GPC6: variants seen among roughly 807,000 people sequenced by gnomAD.
GPC6 encodes the protein glypican-6.
Under a neutral mutation model 55.2 loss-of-function variants are expected in GPC6, and 14 were observed. The ratio of observed to expected loss-of-function variants is 0.25; its 90% CI spans 0.17 to 0.40. GPC6 has a LOEUF of 0.40. GPC6 is among the 10% of genes least tolerant of loss of function. The pLI is 1.00. For missense variants in GPC6, 641 were observed against 708.5 expected (o/e 0.90, Z 1.08); for synonymous variants, 278 against 259.6 (o/e 1.07, Z -0.68).
At chr13:94,376,696 CTACTT>C (rs1879875563) in intron 6 of GPC6, among the ~76,000 whole-genome samples, 1 of 152,280 alleles carries the variant, frequency 6.6e-6, no homozygotes, top group Admixed American at 6.5e-5. Flanking sequence ...TTGGAAAAAA[CTACTT>C]TAAAGTTCAT....
At chr13:94,168,987 G>A (rs1351412632) in intron 4 of GPC6, among the ~76,000 whole-genome samples, 3 of 152,056 alleles carry the variant, frequency 2.0e-5, no homozygotes, top group African/African-American at 7.2e-5. Context: ...GTTGGACCAG[G>A]GTAAGTTCCA....
At chr13:93,228,121 C>T (rs1875872082) in intron 1 of GPC6, among the ~76,000 whole-genome samples, 1 of 152,162 alleles carries the variant, frequency 6.6e-6, no homozygotes, top group African/African-American at 2.4e-5. Flanking sequence ...CCCTCTCTCC[C>T]CTATCCGTCC....
At chr13:94,017,189 AT>A (rs1338991769) in intron 3 of GPC6, among the ~76,000 whole-genome samples, 1 of 152,096 alleles carries the variant, frequency 6.6e-6, no homozygotes, top group Non-Finnish European at 1.5e-5. Context: ...AACCCAACAC[AT>A]TTTTGTGTGG....
intron 2 of GPC6, among the ~76,000 whole-genome samples, chr13:93,732,686 GTA>G (rs1883870548): frequency 1.3e-5 from 2 of 151,982 alleles, no homozygotes; most frequent in South Asian, 4.1e-4. Flanking sequence ...GCTCTCTTTG[GTA>G]TCATTTATTA....
At chr13:94,238,682 C>T (rs1199647166) in intron 4 of GPC6, among the ~76,000 whole-genome samples, 2 of 152,046 alleles carry the variant, frequency 1.3e-5, no homozygotes, top group African/African-American at 4.8e-5. Flanking sequence ...GGAATAAGCA[C>T]CGTGTGAGAA....
intron 2 of GPC6, among the ~76,000 whole-genome samples, chr13:93,597,293 A>G (rs1276276669): frequency 2.0e-5 from 3 of 152,232 alleles, no homozygotes; most frequent in Non-Finnish European, 2.9e-5. Context: ...GAGCATCATT[A>G]TAGAGATATC....
chr13:94,075,381 C>G (rs1397462255), intron 4 of GPC6, among the ~76,000 whole-genome samples: 2 of 151,808 alleles, frequency 1.3e-5, no homozygotes, highest in Non-Finnish European at 2.9e-5. Flanking sequence ...TTATCACCCC[C>G]CAAAATTTCC....
chr13:93,888,254 C>A (rs1875460264), intron 3 of GPC6, among the ~76,000 whole-genome samples: 1 of 152,000 alleles, frequency 6.6e-6, no homozygotes, highest in African/African-American at 2.4e-5. Context: ...AGATAGTATC[C>A]AATTAGCGCA....
chr13:93,673,017 A>T (rs1037293670), intron 2 of GPC6, among the ~76,000 whole-genome samples: 2 of 152,200 alleles, frequency 1.3e-5, no homozygotes, highest in African/African-American at 4.8e-5. Context: ...TAGAAAAGAC[A>T]AAAGTATTTT....
intron 2 of GPC6, among the ~76,000 whole-genome samples, chr13:93,557,435 C>G (rs3848059): frequency 6.6e-6 from 1 of 152,016 alleles, no homozygotes; most frequent in Non-Finnish European, 1.5e-5. Context: ...TACGTAAATT[C>G]TTCCATTAAG....
chr13:94,288,864 ATATT>A (rs1566637971), intron 5 of GPC6, among the ~76,000 whole-genome samples: 1 of 125,018 alleles, frequency 8.0e-6, no homozygotes, highest in East Asian at 2.1e-4. Context: ...ATAAATATAT[ATATT>A]TGTTATATAT....
intron 5 of GPC6, among the ~76,000 whole-genome samples, chr13:94,288,738 A>AAT (rs1294842519): frequency 6.1e-4 from 81 of 132,178 alleles, no homozygotes; most frequent in East Asian, 4.0e-3. Flanking sequence ...ATATATAACA[A>AAT]ATATATATAT....
intron 1 of GPC6, among the ~76,000 whole-genome samples, chr13:93,239,049 T>C (rs1170229888): frequency 6.6e-6 from 1 of 152,038 alleles, no homozygotes; most frequent in East Asian, 1.9e-4. Flanking sequence ...CCCACAGTTT[T>C]ATTTTTTTGT....
At chr13:93,297,917 C>T (rs1008519231) in intron 1 of GPC6, among the ~76,000 whole-genome samples, 4 of 152,136 alleles carry the variant, frequency 2.6e-5, no homozygotes, top group African/African-American at 9.7e-5. Context: ...TGAGTCTTCC[C>T]AAAAGCAATC....
chr13:93,383,594 G>C (rs181658381), intron 1 of GPC6, among the ~76,000 whole-genome samples: 55 of 152,260 alleles, frequency 3.6e-4, no homozygotes, highest in African/African-American at 1.2e-3. Flanking sequence ...CTTATGTGTA[G>C]TTTAATACTG....
intron 1 of GPC6, among the ~76,000 whole-genome samples, chr13:93,495,512 C>T (rs1880227089): frequency 4.4e-5 from 6 of 136,870 alleles, no homozygotes; most frequent in Non-Finnish European, 7.8e-5. Flanking sequence ...CTGAAGCCTT[C>T]TTCTCTCAGC....
intron 2 of GPC6, among the ~76,000 whole-genome samples, chr13:93,600,193 T>C (rs372121108): frequency 2.8e-4 from 42 of 152,346 alleles, no homozygotes; most frequent in African/African-American, 9.6e-4. Flanking sequence ...TTGTCTGGGC[T>C]AAACAGAAAG....
At chr13:93,556,642 C>T (rs1875497119) in intron 2 of GPC6, among the ~76,000 whole-genome samples, 2 of 151,760 alleles carry the variant, frequency 1.3e-5, no homozygotes, top group Admixed American at 1.3e-4. Context: ...TTTATTCTTT[C>T]TATAATAATT....
At chr13:94,183,995 T>G (rs1417951219) in intron 4 of GPC6, among the ~76,000 whole-genome samples, 2 of 152,064 alleles carry the variant, frequency 1.3e-5, no homozygotes, top group African/African-American at 4.8e-5. Context: ...AAACAAGCAA[T>G]GGAGAAAGGA....
Sources: gnomAD v4.1 joint callset for allele counts (sites outside exome capture counted in the v4.1 genomes callset) on GRCh38, gnomAD v4.1.1 for gene constraint, MANE v1.5 for transcripts, NCBI Gene and HGNC (gene_info 2026-07-23, HGNC 2026-07-21) for gene names.